RHBDD1: variants seen among roughly 807,000 people sequenced by gnomAD.
The protein encoded by RHBDD1 is rhomboid-related protein 4.
In RHBDD1, 38 loss-of-function variants were observed where a neutral mutation model predicts 36.3. That is an observed-to-expected ratio of 1.05 (90% CI 0.81 to 1.37). The LOEUF is 1.37. Among genes scored for constraint, RHBDD1 ranks in the 40% most tolerant of loss-of-function variants. The probability of loss-of-function intolerance (pLI) is 0.00; values close to 1 mark genes in which losing one functional copy is unlikely to be tolerated. For missense variants in RHBDD1, 393 were observed against 377.6 expected (o/e 1.04, Z -0.34); for synonymous variants, 151 against 136.5 (o/e 1.11, Z -0.74).
At chr2:226,938,225 C>T (rs1171563317) in intron 8 of RHBDD1, among the ~76,000 whole-genome samples, 1 of 152,112 alleles carries the variant, frequency 6.6e-6, no homozygotes, top group East Asian at 1.9e-4. Context: ...TTTTTCACCA[C>T]ATGTATGTCT....
At chr2:226,885,383 T>C (rs1233008742) in intron 5 of RHBDD1, among the ~76,000 whole-genome samples, 1 of 152,152 alleles carries the variant, frequency 6.6e-6, no homozygotes, top group African/African-American at 2.4e-5. Context: ...GCATATGTAT[T>C]GTAATGATGT....
At chr2:226,888,691 C>T (rs1946439789) in intron 5 of RHBDD1, among the ~76,000 whole-genome samples, 1 of 151,934 alleles carries the variant, frequency 6.6e-6, no homozygotes, top group African/African-American at 2.4e-5. Context: ...GTACTGTGTA[C>T]ATTTCTTTCT....
At chr2:226,802,619 T>C in the RHBDD1 span, among the ~76,000 whole-genome samples, 1 of 152,372 alleles carries the variant, frequency 6.6e-6, no homozygotes, top group South Asian at 2.1e-4. Context: ...TGAAATACAC[T>C]GTATGAAAAA....
Position 226,986,093 on chromosome 2 carries a change from C to G in RHBDD1, c.857-9338C>G, listed in dbSNP as rs192995513. Reference sequence around the variant, plus strand: ...CTTCACCAAAACCCATAACCCCAGTCTAACCATGAGGACAAATAGCAGACA... The same window carrying G: ...CTTCACCAAAACCCATAACCCCAGTGTAACCATGAGGACAAATAGCAGACA... On this transcript the variant is annotated intron_variant, in intron 8 of 8. Transcript: ENST00000392062. Among the ~76,000 whole-genome samples the G allele has an allele frequency of 9.3e-4, 142 of 152,356 alleles. 1 individual carries two copies. Among genetic ancestry groups the G allele is most frequent in the African/African-American group, 3.2e-3 (134 of 41,592 alleles).
At chr2:226,852,111 C>T (rs1016307551) in intron 3 of RHBDD1, among the ~76,000 whole-genome samples, 2 of 152,102 alleles carry the variant, frequency 1.3e-5, no homozygotes, top group Non-Finnish European at 2.9e-5. Context: ...CTGACTGCTT[C>T]TTGAATTTTG....
intron 4 of RHBDD1, among the ~76,000 whole-genome samples, chr2:226,865,360 A>G (rs1470899601): frequency 6.6e-6 from 1 of 152,194 alleles, no homozygotes; most frequent in Non-Finnish European, 1.5e-5. Context: ...GGTTTTGTAG[A>G]AGACATAGTA....
the RHBDD1 span, chr2:226,804,688 C>T: frequency 6.6e-6 from 1 of 152,174 alleles, no homozygotes; most frequent in South Asian, 2.1e-4. Flanking sequence ...GATTTCAAAA[C>T]ATTTGCTGTT....
At position 226,914,310 on chromosome 2, in the gene RHBDD1, A is replaced by G; in HGVS notation, c.815A>G (p.Glu272Gly). ...TACACAGCAGGACTGAGTGAAGAAG[A>G]ACAGCTCGAGAGAGCATTACAAGCC... ...DTYTAGLSEE[E>G]QLERALQASL... is the part of the protein sequence containing the mutation. Residue 272 changes from glutamate to glycine, a missense_variant, in exon 8 of 9, where the codon GAA becomes GGA. Physicochemically the swap from Glu to Gly is moderately conservative, Grantham distance 98. Coordinates refer to ENST00000392062, the MANE Select transcript of RHBDD1 (RefSeq NM_001167608.3). 1 of 1,613,732 alleles carries G rather than the reference A, an allele frequency of 6.2e-7. No homozygotes were observed. The highest frequency in any genetic ancestry group is 8.5e-7 in the Non-Finnish European group (1 of 1,179,784).
chr2:226,820,514 T>A, the RHBDD1 span, among the ~76,000 whole-genome samples: 23 of 151,926 alleles, frequency 1.5e-4, no homozygotes, highest in African/African-American at 5.3e-4. Context: ...CTTTTAAAAA[T>A]TAACTTTTAC....
chr2:226,933,947 A>G (rs1950185735), intron 8 of RHBDD1, among the ~76,000 whole-genome samples: 1 of 152,090 alleles, frequency 6.6e-6, no homozygotes. Flanking sequence ...GTCTGGGTAA[A>G]TCTCTCTTGG....
chr2:226,921,417 A>C (rs1949306125), intron 8 of RHBDD1, among the ~76,000 whole-genome samples: 1 of 151,878 alleles, frequency 6.6e-6, no homozygotes, highest in Non-Finnish European at 1.5e-5. Flanking sequence ...GTGGTTTAAG[A>C]TGAATCATTA....
At chr2:226,951,597 G>A (rs1951430341) in intron 8 of RHBDD1, among the ~76,000 whole-genome samples, 3 of 152,190 alleles carry the variant, frequency 2.0e-5, no homozygotes, top group South Asian at 4.1e-4. Context: ...AGGGTCTTCA[G>A]TAGATATCGG....
intron 3 of RHBDD1, among the ~76,000 whole-genome samples, chr2:226,856,375 T>G (rs1943330938): frequency 6.6e-6 from 1 of 152,204 alleles, no homozygotes; most frequent in African/African-American, 2.4e-5. Flanking sequence ...AAAACTATCT[T>G]GAAAATCTAC....
At chr2:226,906,574 G>A (rs1399492737) in intron 5 of RHBDD1, 1 of 991,232 alleles carries the variant, frequency 1.0e-6, no homozygotes, top group African/African-American at 1.7e-5. Flanking sequence ...GAGGGGTGTT[G>A]CGTTTTAAAC....
intron 5 of RHBDD1, among the ~76,000 whole-genome samples, chr2:226,900,292 A>G (rs1322046341): frequency 1.3e-5 from 2 of 152,174 alleles, no homozygotes; most frequent in Non-Finnish European, 1.5e-5. Flanking sequence ...GAGATACATG[A>G]TCTGAATTTG....
chr2:226,943,932 A>G (rs1950817049), intron 8 of RHBDD1, among the ~76,000 whole-genome samples: 1 of 152,194 alleles, frequency 6.6e-6, no homozygotes, highest in Non-Finnish European at 1.5e-5. Flanking sequence ...CTGTAGGCCC[A>G]CCTGTGCAGT....
At chr2:226,856,175 T>C (rs1559198356) in intron 3 of RHBDD1, among the ~76,000 whole-genome samples, 1 of 152,186 alleles carries the variant, frequency 6.6e-6, no homozygotes, top group Non-Finnish European at 1.5e-5. Context: ...TGCTATTATG[T>C]TAAATATTTA....
chr2:226,809,774 A>C, the RHBDD1 span, among the ~76,000 whole-genome samples: 1 of 152,208 alleles, frequency 6.6e-6, no homozygotes, highest in Non-Finnish European at 1.5e-5. Context: ...ACTGATTTAA[A>C]ACTTTACAAA....
intron 8 of RHBDD1, among the ~76,000 whole-genome samples, chr2:226,980,945 G>C (rs1479284761): frequency 6.6e-6 from 1 of 152,168 alleles, no homozygotes; most frequent in Non-Finnish European, 1.5e-5. Context: ...CTCCGTAGCA[G>C]AGACCATTTT....
Sources: gnomAD v4.1 joint callset for allele counts (sites outside exome capture counted in the v4.1 genomes callset) on GRCh38, gnomAD v4.1.1 for gene constraint, MANE v1.5 for transcripts, NCBI Gene and HGNC (gene_info 2026-07-23, HGNC 2026-07-21) for gene names.